The following TTC16 variants were observed in gnomAD, a reference collection of about 807,000 sequenced individuals.
TTC16 encodes tetratricopeptide repeat domain 16.
TTC16 carries 66 observed loss-of-function variants against 80.4 expected under a neutral mutation model. That is an observed-to-expected ratio of 0.82 (90% CI 0.67 to 1.01). TTC16 has a LOEUF of 1.01. Ranked by LOEUF, TTC16 falls within the 50% of genes least tolerant of loss-of-function variation. The pLI is 0.00. For missense variants in TTC16, 1,070 were observed against 1,103.2 expected (o/e 0.97, Z 0.43); for synonymous variants, 438 against 451.3 (o/e 0.97, Z 0.37).
At position 127,716,115 on chromosome 9, in the gene TTC16, G is replaced by A; in HGVS notation, c.-31G>A. On this transcript the variant is annotated 5_prime_UTR_variant, in exon 1 of 14. Coordinates refer to ENST00000373289, the MANE Select transcript of TTC16 (RefSeq NM_144965.3). ...GGCCAGGGCCGCGAGGTAGTTGGCA[G>A]AGGCCTCGGGGTCCTCCTGGAAGGG... The A allele has an allele frequency of 1.2e-6, 2 of 1,613,930 alleles. No individual in the cohort carries two copies. The highest frequency in any genetic ancestry group is 1.6e-4 in the Middle Eastern group (1 of 6,062).
intron 6 of TTC16, 59 bp from the exon 7 acceptor site, chr9:127,723,060 C>T (rs1435486614): frequency 6.4e-7 from 1 of 1,574,746 alleles, no homozygotes; most frequent in African/African-American, 1.3e-5. Context: ...GAAGAAAGGC[C>T]TCTAGGTCCC....
chr9:127,724,893 C>A lies in TTC16; in HGVS notation c.1255C>A (p.Arg419Ser). 1 of 1,532,832 alleles carries A rather than the reference C, an allele frequency of 6.5e-7. No homozygotes were observed. 95.0% of individuals were successfully genotyped at this position (1,532,832 alleles called of 1,614,324 possible). The change falls in exon 9 of 14, where the codon CGC becomes AGC. Residue 419 changes from arginine to serine, a missense_variant. Transcript: ENST00000373289. ...QEKMGFCEQRRKQFQKAENHF... is the reference protein window; with the variant it reads ...QEKMGFCEQRSKQFQKAENHF... ...GAAGATGGGCTTCTGCGAGCAGAGGCGCAAGTGCGTGGGCTCCCGCCCCCA... is the reference window on the plus strand; with the variant it reads ...GAAGATGGGCTTCTGCGAGCAGAGGAGCAAGTGCGTGGGCTCCCGCCCCCA...
intron 4 of TTC16, 126 bp downstream of exon 4, chr9:127,717,898 T>A: frequency 8.0e-7 from 1 of 1,250,218 alleles, no homozygotes; most frequent in Non-Finnish European, 1.1e-6. Flanking sequence ...TCCCCCCCGC[T>A]GCCCCTCTCA....
intron 4 of TTC16, 103 bp downstream of exon 4, chr9:127,717,875 C>A (rs1210096881): frequency 4.2e-6 from 6 of 1,426,982 alleles, no homozygotes; most frequent in Non-Finnish European, 5.6e-6. Flanking sequence ...TCCTCCTTGT[C>A]CCTGTGTCTG....
Position 127,721,079 on chromosome 9 carries a change from TG to T in TTC16, c.657+687del, listed in dbSNP as rs372482711. Among the ~76,000 whole-genome samples, 185 of 150,696 alleles carry T rather than the reference TG, an allele frequency of 1.2e-3. 3 individuals carry two copies. The South Asian group carries it at 0.037, about 30-fold the overall frequency. On this transcript the variant is annotated intron_variant, in intron 6 of 13. Transcript: ENST00000373289. ...GGGACAGACAGTACAGGGAACAGCTTGGGAGCAATAGAAACTTGGGGTCACA... is the reference window on the plus strand; with the variant it reads ...GGGACAGACAGTACAGGGAACAGCTTGGAGCAATAGAAACTTGGGGTCACA...
In TTC16 at chr9:127,727,358, G is replaced by A. The variant is rs554814365; in HGVS notation, c.1657G>A (p.Glu553Lys). 3.3e-5 allele frequency: 53 copies of A among 1,609,814 alleles called. No individual in the cohort carries two copies. Among genetic ancestry groups the A allele is most frequent in the Admixed American group, 1.2e-4 (7 of 59,874 alleles). The part of the protein sequence containing the change: ...KQGEPLIATS[E>K]ELKATPEIPQ... ...GGGGGAGCCTTTGATTGCGACCTCCGAGGAGCTGAAGGCCACCCCTGAGAT... is the reference window on the plus strand; with the variant it reads ...GGGGGAGCCTTTGATTGCGACCTCCAAGGAGCTGAAGGCCACCCCTGAGAT... The change falls in exon 12 of 14, where the codon GAG becomes AAG. Residue 553 changes from glutamate to lysine, a missense_variant. Coordinates refer to ENST00000373289, the MANE Select transcript of TTC16 (RefSeq NM_144965.3).
intron 8 of TTC16, 179 bp from the exon 9 acceptor site, chr9:127,724,577 C>A: frequency 9.0e-7 from 1 of 1,110,106 alleles, no homozygotes; most frequent in Non-Finnish European, 1.3e-6. Flanking sequence ...TTAAAATGCT[C>A]AAAACAGGCA....
Position 127,730,970 on chromosome 9 carries a change from G to C in TTC16, c.2187G>C (p.Gln729His). 1 of 1,612,842 alleles carries C rather than the reference G, an allele frequency of 6.2e-7. No individual in the cohort carries two copies. Among genetic ancestry groups the C allele is most frequent in the Non-Finnish European group, 8.5e-7 (1 of 1,179,748 alleles). Residue 729 changes from glutamine to histidine, a missense_variant, in exon 14 of 14, where the codon CAG (glutamine) becomes CAC (histidine). Physicochemically the swap from Gln to His is conservative, Grantham distance 24. Coordinates refer to ENST00000373289, the MANE Select transcript of TTC16 (RefSeq NM_144965.3). Reference protein sequence around the residue: ...NSSKTRATQGQGQSSSKTEAT... With the variant: ...NSSKTRATQGHGQSSSKTEAT... ...GCAAGACCAGGGCCACCCAGGGCCA[G>C]GGGCAGAGCTCCAGCAAGACTGAGG...
Position 127,718,948 on chromosome 9 carries a change from C to T in TTC16, c.427-1130C>T, listed in dbSNP as rs527484318. Among the ~76,000 whole-genome samples, 3 of 151,804 alleles carry T rather than the reference C, an allele frequency of 2.0e-5. No individual in the cohort carries two copies. Among genetic ancestry groups the T allele is most frequent in the Admixed American group, 6.5e-5 (1 of 15,268 alleles). On this transcript the variant is annotated intron_variant, in intron 4 of 13. Coordinates refer to ENST00000373289, the MANE Select transcript of TTC16 (RefSeq NM_144965.3). The surrounding 1 kb of genome is among the most constrained non-coding windows in gnomAD (Gnocchi z 4.6). ...CAGTTCTTGGCCGGGCACGGTGGCT[C>T]ACGCCTGTAATCCCAGCACTTTGGG...
At chr9:127,725,146 T>C (rs911422399) in intron 9 of TTC16, among the ~76,000 whole-genome samples, 4 of 152,162 alleles carry the variant, frequency 2.6e-5, no homozygotes, top group Admixed American at 2.0e-4. Context: ...TGGTGGTGTG[T>C]GCCTGTAATC....
intron 6 of TTC16, among the ~76,000 whole-genome samples, chr9:127,720,680 G>A (rs1411914461): frequency 1.3e-5 from 2 of 151,796 alleles, no homozygotes; most frequent in Non-Finnish European, 2.9e-5. Context: ...TCCGGATGGA[G>A]CTCACACCCT....
intron 3 of TTC16, 57 bp downstream of exon 3, chr9:127,717,481 C>T (rs914113757): frequency 6.3e-7 from 1 of 1,583,346 alleles, no homozygotes. Flanking sequence ...TCCTCCCTCC[C>T]TGTCGCACCT....
chr9:127,725,532 C>G (rs1261222667), intron 9 of TTC16, among the ~76,000 whole-genome samples: 1 of 127,860 alleles, frequency 7.8e-6, no homozygotes, highest in African/African-American at 3.0e-5. Flanking sequence ...CCACTGCACT[C>G]CAGCCTGGGT....
At chr9:127,726,787 CA>C (rs55676226) in intron 10 of TTC16, among the ~76,000 whole-genome samples, 182 bp from the exon 11 acceptor site, 277 of 127,206 alleles carry the variant, frequency 2.2e-3, no homozygotes, top group Admixed American at 5.8e-3. Flanking sequence ...GACTCTGTCT[CA>C]AAAAAAAAAA....
intron 12 of TTC16, chr9:127,728,385 C>T (rs1181226854): frequency 1.3e-5 from 2 of 152,236 alleles, no homozygotes; most frequent in African/African-American, 4.8e-5. Context: ...ATATTCCGTC[C>T]TTGACAGTCC....
intron 13 of TTC16, chr9:127,730,402 C>T: frequency 1.7e-6 from 1 of 602,552 alleles, no homozygotes; most frequent in South Asian, 2.1e-5. Context: ...AGCCACAGAG[C>T]AGAGGCCTGG....
In TTC16 at chr9:127,724,896, A is replaced by G. The variant is rs1220204627; in HGVS notation, c.1258A>G (p.Lys420Glu). ...GATGGGCTTCTGCGAGCAGAGGCGC[A>G]AGTGCGTGGGCTCCCGCCCCCACGG... ...EKMGFCEQRRKQFQKAENHFS... is the reference protein window; with the variant it reads ...EKMGFCEQRREQFQKAENHFS... Residue 420 changes from lysine (K) to glutamate (E), a missense_variant and splice_region_variant, in exon 9 of 14, where the codon AAG becomes GAG. Lys to Glu is a moderately conservative substitution (Grantham distance 56). Coordinates refer to ENST00000373289, the MANE Select transcript of TTC16 (RefSeq NM_144965.3). 1 of 1,528,744 alleles carries G rather than the reference A, an allele frequency of 6.5e-7. No homozygotes were observed. The highest frequency in any genetic ancestry group is 1.2e-5 in the South Asian group (1 of 81,036). The allele number at this position is 1,528,744 out of a possible 1,614,324, so 94.7% of individuals were successfully genotyped here. A position where few individuals can be genotyped will look rare whatever the true frequency, so the allele number is the denominator to read the frequency against.
chr9:127,723,044 C>G, intron 6 of TTC16, 75 bp from the exon 7 acceptor site: 1 of 1,485,992 alleles, frequency 6.7e-7, no homozygotes, highest in Non-Finnish European at 9.2e-7. Context: ...GTGATGCCAC[C>G]CTGCTGAAGA....
chr9:127,718,652 T>C lies in TTC16; in HGVS notation c.426+880T>C, dbSNP rs1383831920. Among the ~76,000 whole-genome samples the C allele has an allele frequency of 6.6e-6, 1 of 151,918 alleles. No homozygotes were observed. Among genetic ancestry groups the C allele is most frequent in the Non-Finnish European group, 1.5e-5 (1 of 67,968 alleles). On this transcript the variant is annotated intron_variant, in intron 4 of 13. Transcript: ENST00000373289. The surrounding 1 kb of genome is among the most constrained non-coding windows in gnomAD (Gnocchi z 4.6). ...CTCTGTCACCGAGGCTGGAGCGCAA[T>C]GGCGCAATCTCAGCTCACAACCTCC...
Sources: gnomAD v4.1 joint callset for allele counts (sites outside exome capture counted in the v4.1 genomes callset) on GRCh38, gnomAD v4.1.1 for gene constraint, Gnocchi (gnomAD v3.1) non-coding constraint, MANE v1.5 for transcripts, NCBI Gene and HGNC (gene_info 2026-07-23, HGNC 2026-07-21) for gene names.